Variants in TRIM65 observed in about 807,000 individuals in gnomAD.
The protein encoded by TRIM65 is E3 ubiquitin-protein ligase TRIM65.
Under a neutral mutation model 36.1 loss-of-function variants are expected in TRIM65, and 46 were observed. The ratio of observed to expected loss-of-function variants is 1.27; its 90% CI spans 1.01 to 1.63. The LOEUF (loss-of-function observed/expected upper bound fraction) is 1.63. TRIM65 is among the 40% of genes most tolerant of loss of function. TRIM65 has a pLI of 0.00. For missense variants in TRIM65, 708 were observed against 696.6 expected, an observed-to-expected ratio of 1.02 and a Z score of -0.18; for synonymous variants, 346 against 313.6, an observed-to-expected ratio of 1.10 and a Z score of -1.09.
chr17:75,879,856 C>T (rs1489469610), downstream of TRIM65, among the ~76,000 whole-genome samples: 1 of 150,680 alleles, frequency 6.6e-6, no homozygotes, highest in Non-Finnish European at 1.5e-5. Flanking sequence ...TGGGTTCAAG[C>T]GATTCTCCCT....
chr17:75,890,349 G>A lies in TRIM65; in HGVS notation c.*430C>T, dbSNP rs2065247927. 1 of 158,824 alleles carries A rather than the reference G, an allele frequency of 6.3e-6. No individual in the cohort carries two copies. The highest frequency in any genetic ancestry group is 2.4e-5 in the African/African-American group (1 of 41,868). 9.8% of individuals were successfully genotyped at this position (158,824 alleles called of 1,614,324 possible). A position where few individuals can be genotyped will look rare whatever the true frequency, so the allele number is the denominator to read the frequency against. On this transcript the variant is annotated 3_prime_UTR_variant, in exon 6 of 6. Coordinates refer to ENST00000269383, the MANE Select transcript of TRIM65 (RefSeq NM_173547.4). ...TTACAAAAAATTAAAGAGAGCTGCA[G>A]GCGGGGAGGAGGGAGGAATCTGTCT... is the stretch of plus-strand genomic sequence containing the variant.
intron 1 of TRIM65, among the ~76,000 whole-genome samples, chr17:75,895,850 C>T (rs1346525163): frequency 6.6e-6 from 1 of 152,212 alleles, no homozygotes; most frequent in African/African-American, 2.4e-5. Flanking sequence ...GCCCCCTCGC[C>T]CTCCACAACC....
chr17:75,894,384 G>A (rs2065316262), intron 1 of TRIM65, among the ~76,000 whole-genome samples: 1 of 152,224 alleles, frequency 6.6e-6, no homozygotes, highest in South Asian at 2.1e-4. Context: ...CAGTACCGAT[G>A]CTGAAGGTCA....
chr17:75,885,463 G>A (rs1215491913), downstream of TRIM65, among the ~76,000 whole-genome samples: 1 of 152,226 alleles, frequency 6.6e-6, no homozygotes, highest in East Asian at 1.9e-4. Context: ...TTTTGGTAGA[G>A]AGGTGTGTTA....
chr17:75,883,780 G>C (rs536046443), intron 4 of TRIM65, among the ~76,000 whole-genome samples: 6 of 152,134 alleles, frequency 3.9e-5, no homozygotes, highest in African/African-American at 1.4e-4. Flanking sequence ...ACCCGCCTCG[G>C]CCTCCCAAAG....
rs1023768786 is a variant in TRIM65 at position 75,890,352 on chromosome 17, G to C, written c.*427C>G. ...CAAAAAATTAAAGAGAGCTGCAGGC[G>C]GGGAGGAGGGAGGAATCTGTCTCCC... On this transcript the variant is annotated 3_prime_UTR_variant, in exon 6 of 6. Coordinates refer to ENST00000269383, the MANE Select transcript of TRIM65 (RefSeq NM_173547.4). 1 of 159,020 alleles carries C rather than the reference G, an allele frequency of 6.3e-6. No homozygotes were observed. Among genetic ancestry groups the C allele is most frequent in the Admixed American group, 6.5e-5 (1 of 15,462 alleles). The allele number at this position is 159,020 out of a possible 1,614,324, so 9.9% of individuals were successfully genotyped here.
chr17:75,891,832 C>A lies in TRIM65; in HGVS notation c.966G>T (p.Leu322=), dbSNP rs1476960713. Residue 322 remains leucine (L), a synonymous_variant, in exon 5 of 6, where the codon CTG becomes CTT. Coordinates refer to ENST00000269383, the MANE Select transcript of TRIM65 (RefSeq NM_173547.4). ...CCTTACTCTGCCAGAGTTTCCTCCT[C>A]AGTGGACAAACTGTGCTTGGGACCG... The part of the protein sequence containing the change: ...LAPVPSTVCP[L]RRKLWQNYRN... The A allele has an allele frequency of 1.2e-6, 2 of 1,612,454 alleles. No homozygotes were observed. Among genetic ancestry groups the A allele is most frequent in the African/African-American group, 1.3e-5 (1 of 74,914 alleles).
At chr17:75,886,532 A>G (rs1237480324), downstream of TRIM65, among the ~76,000 whole-genome samples, 3 of 151,760 alleles carry the variant, frequency 2.0e-5, no homozygotes, top group African/African-American at 7.3e-5. Flanking sequence ...AAAAAAAAAA[A>G]AAAAAAAAAA....
In TRIM65 at chr17:75,890,868, A is replaced by AGACGG; in HGVS notation, c.1460_1464dup (p.Phe489ProfsTer11). On this transcript the variant is annotated frameshift_variant, in exon 6 of 6. Coordinates refer to ENST00000269383, the MANE Select transcript of TRIM65 (RefSeq NM_173547.4). LOFTEE classifies it high-confidence loss of function. The stretch of plus-strand genomic sequence containing the variant: ...AGGGTCCTACCCTCGAGGAGCCAGA[A>AGACGG]GACGGGGGTGAGGGGCTGGTTGAAG... The AGACGG allele has an allele frequency of 6.5e-7, 1 of 1,528,882 alleles. No homozygotes were observed. The highest frequency in any genetic ancestry group is 8.8e-7 in the Non-Finnish European group (1 of 1,141,606). 94.7% of individuals were successfully genotyped at this position (1,528,882 alleles called of 1,614,324 possible).
chr17:75,890,953 G>T lies in TRIM65; in HGVS notation c.1380C>A (p.Gly460=). Residue 460 remains glycine (G), a synonymous_variant, in exon 6 of 6, where the codon GGC becomes GGA. Transcript: ENST00000269383. ...LLGMDLDLAS[G]CLTFYSLEPQ... ...GCTCCAGGCTGTAGAAGGTGAGGCAGCCTGAGGCCAGGTCCAAATCCATGC... is the reference window on the plus strand; with the variant it reads ...GCTCCAGGCTGTAGAAGGTGAGGCATCCTGAGGCCAGGTCCAAATCCATGC... 1 of 1,558,850 alleles carries T rather than the reference G, an allele frequency of 6.4e-7. No homozygotes were observed. Among genetic ancestry groups the T allele is most frequent in the East Asian group, 2.4e-5 (1 of 41,342 alleles).
At position 75,896,849 on chromosome 17, in the gene TRIM65, T is replaced by C; in HGVS notation, c.89A>G (p.Asn30Ser). 1 of 1,530,114 alleles carries C rather than the reference T, an allele frequency of 6.5e-7. No homozygotes were observed. The highest frequency in any genetic ancestry group is 8.8e-7 in the Non-Finnish European group (1 of 1,141,302). The allele number at this position is 1,530,114 out of a possible 1,614,324, so 94.8% of individuals were successfully genotyped here. A position where few individuals can be genotyped will look rare whatever the true frequency, so the allele number is the denominator to read the frequency against. ...QDPVTLPCGHNFCGACIRDWW... is the reference protein window; with the variant it reads ...QDPVTLPCGHSFCGACIRDWW... ...GTCCCGGATGCAGGCCCCGCAGAAGTTGTGGCCGCAGGGCAGCGTCACTGG... is the reference window on the plus strand; with the variant it reads ...GTCCCGGATGCAGGCCCCGCAGAAGCTGTGGCCGCAGGGCAGCGTCACTGG... The change falls in exon 1 of 6, where the codon AAC becomes AGC. Residue 30 changes from asparagine (N) to serine (S), a missense_variant. By Grantham distance (46) the Asn-to-Ser change is conservative. Coordinates refer to ENST00000269383, the MANE Select transcript of TRIM65 (RefSeq NM_173547.4).
chr17:75,895,094 C>T (rs1231299302), intron 1 of TRIM65, among the ~76,000 whole-genome samples: 1 of 152,162 alleles, frequency 6.6e-6, no homozygotes, highest in African/African-American at 2.4e-5. Flanking sequence ...CCACCTACGC[C>T]TCTCAGGACA....
At chr17:75,885,676 C>T (rs1050485608), downstream of TRIM65, among the ~76,000 whole-genome samples, 2 of 152,210 alleles carry the variant, frequency 1.3e-5, no homozygotes, top group African/African-American at 4.8e-5. Flanking sequence ...TTTGAAAAGT[C>T]TGCCCTCTGG....
downstream of TRIM65, chr17:75,879,537 T>G (rs1444360160): frequency 1.3e-5 from 2 of 150,960 alleles, no homozygotes; most frequent in East Asian, 3.9e-4. Context: ...CATCTAATTA[T>G]GCACTTAAAG....
chr17:75,893,615 C>G (rs1261055222), intron 1 of TRIM65, among the ~76,000 whole-genome samples: 2 of 152,140 alleles, frequency 1.3e-5, no homozygotes, highest in Non-Finnish European at 2.9e-5. Context: ...GGGACCATTA[C>G]TATCCCCACA....
rs1316394253 is a variant in TRIM65, at chr17:75,896,585, G to GTGCACACGC, written c.344_352dup (p.Ser115_Cys117dup). ...CTCGTGGAGGCGACACTCGCGCACG[G>GTGCACACGC]TGCACACGCTGCACACACAGCGGCC... On this transcript the variant is annotated inframe_insertion, in exon 1 of 6. Coordinates refer to ENST00000269383, the MANE Select transcript of TRIM65 (RefSeq NM_173547.4). 4 of 1,322,324 alleles carry GTGCACACGC rather than the reference G, an allele frequency of 3.0e-6. No individual in the cohort carries two copies. The highest frequency in any genetic ancestry group is 1.9e-6 in the Non-Finnish European group (2 of 1,037,984). The allele number at this position is 1,322,324 out of a possible 1,614,324, so 81.9% of individuals were successfully genotyped here.
downstream of TRIM65, among the ~76,000 whole-genome samples, chr17:75,884,132 T>G (rs1023272629): frequency 6.8e-6 from 1 of 147,824 alleles, no homozygotes; most frequent in African/African-American, 2.5e-5. Flanking sequence ...TGAGACTCCA[T>G]CTCAAAAAAT....
rs1453010976 is a variant in TRIM65, at chr17:75,890,017, G to A, written c.*762C>T. On this transcript the variant is annotated 3_prime_UTR_variant, in exon 6 of 6. Coordinates refer to ENST00000269383, the MANE Select transcript of TRIM65 (RefSeq NM_173547.4). ...AAATAAACTTGATAGTCATTAGAAT[G>A]ACTACAGCAATCAGTGAAAATTTTC... is the stretch of plus-strand genomic sequence containing the variant. The A allele has an allele frequency of 6.6e-6, 1 of 152,180 alleles. No homozygotes were observed. Among genetic ancestry groups the A allele is most frequent in the African/African-American group, 2.4e-5 (1 of 41,420 alleles). 9.4% of individuals were successfully genotyped at this position (152,180 alleles called of 1,614,324 possible).
rs1331285646 is a variant in TRIM65 at position 75,890,556 on chromosome 17, T to G, written c.*223A>C. The stretch of plus-strand genomic sequence containing the variant: ...ACAGTACCTAGAACTGGGTTCTCTC[T>G]GGGGCAAGGGCATCCCATTTATCCC... On this transcript the variant is annotated 3_prime_UTR_variant, in exon 6 of 6. Coordinates refer to ENST00000269383, the MANE Select transcript of TRIM65 (RefSeq NM_173547.4). 2.1e-6 allele frequency: 1 copy of G among 469,340 alleles called. No individual in the cohort carries two copies. Among genetic ancestry groups the G allele is most frequent in the Admixed American group, 4.0e-5 (1 of 25,198 alleles). The allele number at this position is 469,340 out of a possible 1,614,324, so 29.1% of individuals were successfully genotyped here.
Sources: gnomAD v4.1 joint callset for allele counts (sites outside exome capture counted in the v4.1 genomes callset) on GRCh38, gnomAD v4.1.1 for gene constraint, MANE v1.5 for transcripts, NCBI Gene and HGNC (gene_info 2026-07-23, HGNC 2026-07-21) for gene names.